Variants in SMC1B observed in about 807,000 individuals in gnomAD.
SMC1B encodes structural maintenance of chromosomes 1B, also known as structural maintenance of chromosomes protein 1B.
A neutral mutation model predicts 157.9 loss-of-function variants in SMC1B; 60 were observed. The ratio of observed to expected loss-of-function variants is 0.38; its 90% confidence interval spans 0.31 to 0.47. SMC1B has a LOEUF of 0.47. SMC1B is among the 20% of genes least tolerant of loss of function. The pLI, the probability that SMC1B is intolerant of heterozygous loss-of-function variation, is 0.99. For missense variants in SMC1B, 1,165 were observed against 1,426.2 expected (o/e 0.82, Z 2.95); for synonymous variants, 445 against 483.0 (o/e 0.92, Z 1.03).
At chr22:45,376,028 G>A (rs2086880466) in intron 12 of SMC1B, among the ~76,000 whole-genome samples, 2 of 151,954 alleles carry the variant, frequency 1.3e-5, no homozygotes, top group African/African-American at 4.8e-5. Flanking sequence ...TTTTACTTGT[G>A]GTAAAATATA....
Position 45,353,893 on chromosome 22 carries a change from C to CAAAAAAAAAAAAAAAAAAAAAAAAAA in SMC1B, c.3273+59_3273+84dup, listed in dbSNP as rs3833396. On this transcript the variant is annotated intron_variant, in intron 21 of 24. Coordinates refer to ENST00000357450, the MANE Select transcript of SMC1B (RefSeq NM_148674.5). ...TAATGTGGCAGTGGTTATTTCCCACCAAAAAAAAAAAAAAAAAAAAAAAAA... is the reference window on the plus strand; with the variant it reads ...TAATGTGGCAGTGGTTATTTCCCACCAAAAAAAAAAAAAAAAAAAAAAAAAAAAAAAAAAAAAAAAAAAAAAAAAAA... The CAAAAAAAAAAAAAAAAAAAAAAAAAA allele has an allele frequency of 9.9e-4, 246 of 247,490 alleles. 85 individuals carry two copies. The highest frequency in any genetic ancestry group is 2.4e-3 in the Middle Eastern group (2 of 824). 15.3% of individuals were successfully genotyped at this position (247,490 alleles called of 1,614,324 possible).
chr22:45,396,167 C>G (rs1030567771), intron 7 of SMC1B, among the ~76,000 whole-genome samples, 179 bp downstream of exon 7: 1 of 152,176 alleles, frequency 6.6e-6, no homozygotes. Flanking sequence ...CTCTTCTACT[C>G]ACAGAACTAT....
At chr22:45,352,220 CAA>C (rs34136195) in intron 22 of SMC1B, among the ~76,000 whole-genome samples, 149 of 122,608 alleles carry the variant, frequency 1.2e-3, no homozygotes, top group Admixed American at 1.7e-3. Flanking sequence ...ACTCTGTCTC[CAA>C]AAAAAAAAAA....
chr22:45,363,484 C>T (rs971315688), intron 15 of SMC1B, among the ~76,000 whole-genome samples: 11 of 152,094 alleles, frequency 7.2e-5, no homozygotes, highest in Non-Finnish European at 1.3e-4. Flanking sequence ...AGTTCGAGAC[C>T]AGCCTGGCCA....
intron 15 of SMC1B, among the ~76,000 whole-genome samples, chr22:45,369,061 A>G (rs2146790671): frequency 6.6e-6 from 1 of 151,888 alleles, no homozygotes; most frequent in South Asian, 2.1e-4. Context: ...CTATCTACAT[A>G]TATGAATATT....
chr22:45,374,016 A>C (rs900824620), intron 12 of SMC1B, among the ~76,000 whole-genome samples: 1 of 151,922 alleles, frequency 6.6e-6, no homozygotes, highest in Non-Finnish European at 1.5e-5. Flanking sequence ...GCTTATTTAA[A>C]GGTTATGTAT....
At chr22:45,366,440 T>A (rs1384579670) in intron 15 of SMC1B, among the ~76,000 whole-genome samples, 1 of 152,202 alleles carries the variant, frequency 6.6e-6, no homozygotes, top group African/African-American at 2.4e-5. Context: ...TGTCAGTATA[T>A]AAATGTTACT....
chr22:45,344,400 A>C lies in SMC1B; in HGVS notation c.*156T>G. 1 of 537,252 alleles carries C rather than the reference A, an allele frequency of 1.9e-6. No individual in the cohort carries two copies. Among genetic ancestry groups the C allele is most frequent in the Admixed American group, 3.0e-5 (1 of 33,352 alleles). The allele number at this position is 537,252 out of a possible 1,614,324, so 33.3% of individuals were successfully genotyped here. ...AGAATGAGGTCTGAACACTCAACTA[A>C]AGTGAGCCACAGCCTCTTTGGCTAG... On this transcript the variant is annotated 3_prime_UTR_variant, in exon 25 of 25. Transcript: ENST00000357450.
intron 1 of SMC1B, 37 bp downstream of exon 1, chr22:45,413,422 G>A (rs771796368): frequency 4.6e-6 from 7 of 1,515,616 alleles, no homozygotes; most frequent in South Asian, 2.4e-5. Flanking sequence ...CTGGGACGGC[G>A]GAGGCGCTCC....
intron 15 of SMC1B, among the ~76,000 whole-genome samples, chr22:45,364,611 C>G (rs1387108621): frequency 2.6e-5 from 4 of 152,178 alleles, no homozygotes; most frequent in Admixed American, 2.6e-4. Context: ...AGAATCCCTG[C>G]TCTTAATCCG....
intron 22 of SMC1B, among the ~76,000 whole-genome samples, chr22:45,350,463 A>AGAT (rs1220616477): frequency 1.3e-5 from 2 of 152,274 alleles, no homozygotes; most frequent in African/African-American, 4.8e-5. Context: ...CTTTTAATAG[A>AGAT]GATGGGGTTT....
At chr22:45,394,548 G>A (rs897851162) in intron 8 of SMC1B, 137 bp downstream of exon 8, 40 of 1,043,250 alleles carry the variant, frequency 3.8e-5, no homozygotes, top group Non-Finnish European at 4.7e-5. Context: ...AGGTAGGAGC[G>A]TCATGTGAGC....
intron 24 of SMC1B, among the ~76,000 whole-genome samples, 163 bp from the exon 25 acceptor site, chr22:45,344,820 G>T (rs2086534803): frequency 6.6e-6 from 1 of 152,084 alleles, no homozygotes; most frequent in Non-Finnish European, 1.5e-5. Context: ...GTATTATCTG[G>T]TATGAGAATT....
Position 45,408,891 on chromosome 22 carries a change from A to T in SMC1B, c.117T>A (p.Ser39=). The T allele has an allele frequency of 4.0e-6, 6 of 1,499,308 alleles. No individual in the cohort carries two copies. The highest frequency in any genetic ancestry group is 4.4e-6 in the Non-Finnish European group (5 of 1,124,306). The allele number at this position is 1,499,308 out of a possible 1,614,324, so 92.9% of individuals were successfully genotyped here. Residue 39 remains serine (S), a synonymous_variant, in exon 2 of 25, where the codon TCT becomes TCA. Coordinates refer to ENST00000357450, the MANE Select transcript of SMC1B (RefSeq NM_148674.5). ...CIIGPNGSGK[S]NVMDALSFVM... is the part of the protein sequence containing the mutation. ...CAAAACTAAGTGCATCCATTACATT[A>T]GATTTTCCTGGGGAAGAAAAGAGAT...
chr22:45,375,568 A>G (rs2086876423), intron 12 of SMC1B, among the ~76,000 whole-genome samples: 1 of 152,228 alleles, frequency 6.6e-6, no homozygotes, highest in Admixed American at 6.5e-5. Context: ...TGTTTTCACC[A>G]TTTAAGCAAT....
chr22:45,383,942 G>A (rs867596587), intron 11 of SMC1B, among the ~76,000 whole-genome samples: 2 of 152,136 alleles, frequency 1.3e-5, no homozygotes, highest in African/African-American at 2.4e-5. Context: ...ATACATGTAA[G>A]CTAATCTACA....
At position 45,371,152 on chromosome 22, in the gene SMC1B, G is replaced by A. The variant is rs569725671; in HGVS notation, c.2313+319C>T. Among the ~76,000 whole-genome samples, 16 of 152,274 alleles carry A rather than the reference G, an allele frequency of 1.1e-4. 1 individual carries two copies. The South Asian group carries it at 3.3e-3, about 32-fold the overall frequency. On this transcript the variant is annotated intron_variant, in intron 14 of 24. Transcript: ENST00000357450. ...AATAAATAACCTTAAAAGATAAGCT[G>A]AATGACAGTTCTTTCCCTCATGGTA...
chr22:45,345,442 C>A lies in SMC1B; in HGVS notation c.3606+17G>T, dbSNP rs774161202. Reference sequence around the variant, plus strand: ...TTGGCATTGGGTACACTCCTCTCGCCTCTGATTTGTCTTTACCTCAGGATA... The same window carrying A: ...TTGGCATTGGGTACACTCCTCTCGCATCTGATTTGTCTTTACCTCAGGATA... On this transcript the variant is annotated intron_variant, in intron 24 of 24. Coordinates refer to ENST00000357450, the MANE Select transcript of SMC1B (RefSeq NM_148674.5). The A allele has an allele frequency of 6.4e-7, 1 of 1,566,028 alleles. No individual in the cohort carries two copies. The highest frequency in any genetic ancestry group is 2.3e-5 in the East Asian group (1 of 44,374).
chr22:45,383,133 CA>C (rs5845706), intron 12 of SMC1B, among the ~76,000 whole-genome samples: 14 of 143,352 alleles, frequency 9.8e-5, no homozygotes, highest in East Asian at 2.0e-4. Flanking sequence ...AACTCTGTCT[CA>C]AAAAAAAAAA....
Sources: allele counts gnomAD v4.1 joint callset (sites outside exome capture counted in the v4.1 genomes callset), GRCh38; gene constraint gnomAD v4.1.1; transcripts MANE v1.5; gene names NCBI Gene and HGNC (gene_info 2026-07-23, HGNC 2026-07-21).